The following LAMP1 variants were observed in gnomAD, a reference collection of about 807,000 sequenced individuals.
LAMP1 encodes the protein lysosome associated membrane protein 1, also known as lysosome-associated membrane glycoprotein 1.
A neutral mutation model predicts 37.5 loss-of-function variants in LAMP1; 7 were observed. The ratio of observed to expected loss-of-function variants is 0.19; its 90% CI spans 0.11 to 0.35. The LOEUF is 0.35. LAMP1 is among the 10% of genes least tolerant of loss of function. The pLI is 1.00. For missense variants in LAMP1, 537 were observed against 552.8 expected (o/e 0.97, Z 0.29); for synonymous variants, 236 against 229.1 (o/e 1.03, Z -0.27).
At chr13:113,302,751 C>T (rs902287400) in intron 1 of LAMP1, among the ~76,000 whole-genome samples, 14 of 152,094 alleles carry the variant, frequency 9.2e-5, no homozygotes, top group African/African-American at 2.4e-4. Context: ...ATTGGAAGCC[C>T]GTTCCCTCAG....
At position 113,319,644 on chromosome 13, in the gene LAMP1, G is replaced by A. The variant is rs1470734703; in HGVS notation, c.738G>A (p.Arg246=). ...TGCAGCTGAACCTCACCTATGAGAG[G>A]AAGGACAACACGGTAGGGCTGGGGC... ...MGLQLNLTYE[R]KDNTTVTRLL... The change falls in exon 5 of 9, where the codon AGG becomes AGA. Residue 246 remains arginine, a synonymous_variant. Coordinates refer to ENST00000332556, the MANE Select transcript of LAMP1 (RefSeq NM_005561.4). 4 of 1,613,446 alleles carry A rather than the reference G, an allele frequency of 2.5e-6. No homozygotes were observed. In the African/African-American group the frequency reaches 4.0e-5, roughly 16 times the overall value.
At chr13:113,315,923 C>G (rs1295358926) in intron 4 of LAMP1, among the ~76,000 whole-genome samples, 1 of 151,774 alleles carries the variant, frequency 6.6e-6, no homozygotes, top group Non-Finnish European at 1.5e-5. Context: ...GCCAACATGG[C>G]GAAAACCCGT....
Position 113,321,345 on chromosome 13 carries a change from G to A in LAMP1, c.877-59G>A, listed in dbSNP as rs2042697929. 1 of 1,372,258 alleles carries A rather than the reference G, an allele frequency of 7.3e-7. No homozygotes were observed. The allele number at this position is 1,372,258 out of a possible 1,614,324, so 85.0% of individuals were successfully genotyped here. A position where few individuals can be genotyped will look rare whatever the true frequency, so the allele number is the denominator to read the frequency against. On this transcript the variant is annotated intron_variant, in intron 6 of 8. Coordinates refer to ENST00000332556, the MANE Select transcript of LAMP1 (RefSeq NM_005561.4). This position sits in a 1 kb window ranked among gnomAD's most constrained non-coding sequence, Gnocchi z 5.6. Reference sequence around the variant, plus strand: ...ATGATAAATGTGTGAATCTACTGGGGTTAAAGATCATCTTTCTATGAATCT... The same window carrying A: ...ATGATAAATGTGTGAATCTACTGGGATTAAAGATCATCTTTCTATGAATCT...
At chr13:113,317,140 C>CATG (rs2042669911) in intron 4 of LAMP1, among the ~76,000 whole-genome samples, 1 of 152,166 alleles carries the variant, frequency 6.6e-6, no homozygotes, top group Admixed American at 6.5e-5. Flanking sequence ...CTTCAGAGCA[C>CATG]ATGAGCTTTG....
rs775189716 is a variant in LAMP1 at position 113,306,535 on chromosome 13, G to C, written c.112G>C (p.Gly38Arg). The change falls in exon 2 of 9, where the codon GGG becomes CGG. Residue 38 changes from glycine to arginine, a missense_variant. Gly to Arg is a moderately radical substitution (Grantham distance 125). Transcript: ENST00000332556. ...AATGTTTATGGTGAAAAATGGCAACGGGACCGCGTGCATAATGGCCAACTT... is the reference window on the plus strand; with the variant it reads ...AATGTTTATGGTGAAAAATGGCAACCGGACCGCGTGCATAATGGCCAACTT... ...AAMFMVKNGNGTACIMANFSA... is the reference protein window; with the variant it reads ...AAMFMVKNGNRTACIMANFSA... The C allele has an allele frequency of 4.3e-6, 7 of 1,613,930 alleles. No homozygotes were observed. The East Asian group carries it at 1.1e-4, about 26-fold the overall frequency.
At chr13:113,307,774 T>C (rs1329145686) in intron 2 of LAMP1, among the ~76,000 whole-genome samples, 1 of 136,074 alleles carries the variant, frequency 7.3e-6, no homozygotes, top group Non-Finnish European at 1.5e-5. Flanking sequence ...ATCCAAGACA[T>C]AGTAAGATCT....
chr13:113,307,518 C>T lies in LAMP1; in HGVS notation c.183+912C>T, dbSNP rs1445669980. Among the ~76,000 whole-genome samples the T allele has an allele frequency of 5.3e-5, 8 of 152,068 alleles. 1 individual carries two copies. Among genetic ancestry groups the T allele is most frequent in the Admixed American group, 3.3e-4 (5 of 15,250 alleles). The stretch of plus-strand genomic sequence containing the variant: ...TGTAATACTTTATTATGTTAATTCA[C>T]CATAATTTGTTACACACTCCCCTAT... On this transcript the variant is annotated intron_variant, in intron 2 of 8. Coordinates refer to ENST00000332556, the MANE Select transcript of LAMP1 (RefSeq NM_005561.4).
intron 3 of LAMP1, among the ~76,000 whole-genome samples, chr13:113,310,298 C>T (rs578167516): frequency 4.0e-5 from 6 of 151,794 alleles, no homozygotes; most frequent in East Asian, 3.9e-4. Context: ...GAGGCCGAGG[C>T]GGGCAGATCA....
chr13:113,299,943 A>T (rs571099983), intron 1 of LAMP1, among the ~76,000 whole-genome samples: 13 of 150,340 alleles, frequency 8.6e-5, no homozygotes, highest in Non-Finnish European at 1.9e-4. Flanking sequence ...GTGCGATTTC[A>T]CCAAAAATCC....
At chr13:113,308,794 G>A (rs925121977) in intron 2 of LAMP1, among the ~76,000 whole-genome samples, 3 of 151,954 alleles carry the variant, frequency 2.0e-5, no homozygotes, top group South Asian at 4.1e-4. Context: ...GTGTAGTTTC[G>A]TGTTGTTTTT....
chr13:113,307,881 C>T (rs190424743), intron 2 of LAMP1, among the ~76,000 whole-genome samples: 1 of 147,256 alleles, frequency 6.8e-6, no homozygotes, highest in Non-Finnish European at 1.5e-5. Flanking sequence ...ATTGCTTGAG[C>T]CTGTGAGGTC....
At chr13:113,304,398 G>C (rs1247688813) in intron 1 of LAMP1, among the ~76,000 whole-genome samples, 1 of 152,196 alleles carries the variant, frequency 6.6e-6, no homozygotes, top group Non-Finnish European at 1.5e-5. Context: ...TGCCTTGCTG[G>C]CGTCTGCTGT....
Position 113,320,532 on chromosome 13 carries a change from C to T in LAMP1, c.876+62C>T. 6.4e-7 allele frequency: 1 copy of T among 1,568,740 alleles called. No individual in the cohort carries two copies. The highest frequency in any genetic ancestry group is 1.1e-5 in the South Asian group (1 of 90,046). On this transcript the variant is annotated intron_variant, in intron 6 of 8. Transcript: ENST00000332556. The surrounding 1 kb of genome is among the most constrained non-coding windows in gnomAD (Gnocchi z 4.4). ...TGTGTCTCCACCACATCTTTTTGTG[C>T]CCTGGGTCTGCTCATGGGAGGCAGC...
Position 113,323,377 on chromosome 13 carries a change from C to T in LAMP1, c.*956C>T, listed in dbSNP as rs2042718812. On this transcript the variant is annotated 3_prime_UTR_variant, in exon 9 of 9. Transcript: ENST00000332556. ...GCTTGGGGATTGTACACGGGACCAG[C>T]TCACGTAATGCATTGCCTGTAACAA... is the stretch of plus-strand genomic sequence containing the variant. 6.6e-6 allele frequency: 1 copy of T among 152,100 alleles called. No individual in the cohort carries two copies. The highest frequency in any genetic ancestry group is 1.5e-5 in the Non-Finnish European group (1 of 68,040). The allele number at this position is 152,100 out of a possible 1,614,324, so 9.4% of individuals were successfully genotyped here. A position where few individuals can be genotyped will look rare whatever the true frequency, so the allele number is the denominator to read the frequency against.
chr13:113,299,222 A>C (rs1220091816), intron 1 of LAMP1, among the ~76,000 whole-genome samples: 1 of 152,204 alleles, frequency 6.6e-6, no homozygotes, highest in Non-Finnish European at 1.5e-5. Context: ...TTGCTTGTGT[A>C]ATCAGTCTTC....
Position 113,319,551 on chromosome 13 carries a change from G to A in LAMP1, c.645G>A (p.Lys215=), listed in dbSNP as rs56313942. 1 of 1,613,852 alleles carries A rather than the reference G, an allele frequency of 6.2e-7. No homozygotes were observed. Among genetic ancestry groups the A allele is most frequent in the Admixed American group, 1.7e-5 (1 of 59,998 alleles). Residue 215 remains lysine, a synonymous_variant, in exon 5 of 9, where the codon AAG becomes AAA. Transcript: ENST00000332556. ...PPSPSPSPVP[K]SPSVDKYNVS... ...GCCCCTCGCCCTCACCCGTGCCCAA[G>A]AGCCCCTCTGTGGACAAGTACAACG...
chr13:113,311,761 T>C (rs2042632115), intron 4 of LAMP1, among the ~76,000 whole-genome samples: 1 of 152,096 alleles, frequency 6.6e-6, no homozygotes, highest in Non-Finnish European at 1.5e-5. Context: ...TCTTCAAAGG[T>C]TGTTGGAATT....
chr13:113,310,247 G>A (rs1234747238), intron 3 of LAMP1, among the ~76,000 whole-genome samples: 1 of 151,124 alleles, frequency 6.6e-6, no homozygotes, highest in Non-Finnish European at 1.5e-5. Context: ...AAAACACACA[G>A]CCAGGCGCGG....
Position 113,297,377 on chromosome 13 carries a change from G to A in LAMP1, c.-58G>A. On this transcript the variant is annotated 5_prime_UTR_variant, in exon 1 of 9. Coordinates refer to ENST00000332556, the MANE Select transcript of LAMP1 (RefSeq NM_005561.4). The surrounding 1 kb of genome is among the most constrained non-coding windows in gnomAD (Gnocchi z 4.4). ...CCGCCACCGCAGCGCCCGGCAGTCC[G>A]CGGCCCAACCGCCGCCCGCGCCCCC... The A allele has an allele frequency of 2.5e-6, 1 of 397,608 alleles. No homozygotes were observed. Among genetic ancestry groups the A allele is most frequent in the Non-Finnish European group, 3.8e-6 (1 of 260,518 alleles). The allele number at this position is 397,608 out of a possible 1,614,324, so 24.6% of individuals were successfully genotyped here.
Sources: gnomAD v4.1 joint callset for allele counts (sites outside exome capture counted in the v4.1 genomes callset) on GRCh38, gnomAD v4.1.1 for gene constraint, Gnocchi (gnomAD v3.1) non-coding constraint, MANE v1.5 for transcripts, NCBI Gene and HGNC (gene_info 2026-07-23, HGNC 2026-07-21) for gene names.